EFHD1: variants seen among roughly 807,000 people sequenced by gnomAD.
The protein encoded by EFHD1 is EF-hand domain family member D1.
Under a neutral mutation model 17.2 loss-of-function variants are expected in EFHD1, and 10 were observed. That is an observed-to-expected ratio of 0.58 (90% CI 0.36 to 0.99). The LOEUF (loss-of-function observed/expected upper bound fraction) is 0.99, where lower values mean the gene tolerates loss of function less well. Among genes scored for constraint, EFHD1 ranks in the 50% least tolerant of loss-of-function variants. The pLI is 0.01. For synonymous variants in EFHD1, 153 were observed against 142.0 expected (o/e 1.08, Z -0.55); for missense variants, 310 against 327.5 (o/e 0.95, Z 0.41).
At position 232,681,929 on chromosome 2, in the gene EFHD1, C is replaced by CT. The variant is rs1574740606; in HGVS notation, c.*211dup. 44 of 608,306 alleles carry CT rather than the reference C, an allele frequency of 7.2e-5. No individual in the cohort carries two copies. In the East Asian group the frequency reaches 1.4e-3, roughly 19 times the overall value. 37.7% of individuals were successfully genotyped at this position (608,306 alleles called of 1,614,324 possible). On this transcript the variant is annotated 3_prime_UTR_variant, in exon 4 of 4. Transcript: ENST00000264059. ...GGGTGGGCCAGATGCCTGCCCACCT[C>CT]TGTCTCCTGCCTCTGCTCCTCTGCC...
At chr2:232,623,553 A>G (rs73105431) in intron 1 of EFHD1, among the ~76,000 whole-genome samples, 35,163 of 150,936 alleles carry the variant, frequency 0.23, 4,555 homozygotes, top group East Asian at 0.58. Flanking sequence ...AGGTGCCTGT[A>G]ATCCCAGCTT....
intron 1 of EFHD1, among the ~76,000 whole-genome samples, chr2:232,608,729 G>C (rs1489756854): frequency 1.3e-5 from 2 of 152,022 alleles, no homozygotes; most frequent in Non-Finnish European, 2.9e-5. Context: ...AGGAGTTCAA[G>C]ACCAGCCTGG....
intron 1 of EFHD1, among the ~76,000 whole-genome samples, chr2:232,661,063 G>A (rs889045105): frequency 1.5e-4 from 23 of 152,012 alleles, no homozygotes; most frequent in African/African-American, 5.3e-4. Context: ...CACTAGAAAC[G>A]CTTGAACCTG....
At chr2:232,667,552 T>A (rs140177627) in intron 2 of EFHD1, among the ~76,000 whole-genome samples, 7,379 of 150,852 alleles carry the variant, frequency 0.049, 188 homozygotes, top group South Asian at 0.099. Flanking sequence ...TTTATTTATT[T>A]ATTTATTTAT....
chr2:232,629,452 T>G (rs1694162913), upstream of EFHD1, among the ~76,000 whole-genome samples: 1 of 152,126 alleles, frequency 6.6e-6, no homozygotes, highest in Non-Finnish European at 1.5e-5. Flanking sequence ...TGTAGGAAAT[T>G]CAGAAAAATG....
intron 1 of EFHD1, among the ~76,000 whole-genome samples, chr2:232,615,030 C>T (rs1049083904): frequency 6.6e-6 from 1 of 151,978 alleles, no homozygotes; most frequent in African/African-American, 2.4e-5. Context: ...TCTTTGATAC[C>T]CAGGCTGGAG....
Position 232,633,708 on chromosome 2 carries a change from G to T in EFHD1, c.4G>T (p.Ala2Ser), listed in dbSNP as rs2106193026. 1.4e-6 allele frequency: 2 copies of T among 1,455,968 alleles called. No individual in the cohort carries two copies. The highest frequency in any genetic ancestry group is 1.3e-5 in the South Asian group (1 of 74,892). 90.2% of individuals were successfully genotyped at this position (1,455,968 alleles called of 1,614,324 possible). A position where few individuals can be genotyped will look rare whatever the true frequency, so the allele number is the denominator to read the frequency against. M[A>S]SEELACKLER... ...CCGCGTCCTGCGATCCGCCGCCATGGCCAGTGAGGAGCTGGCGTGCAAGCT... is the reference window on the plus strand; with the variant it reads ...CCGCGTCCTGCGATCCGCCGCCATGTCCAGTGAGGAGCTGGCGTGCAAGCT... The change falls in exon 1 of 4, where the codon GCC becomes TCC. Residue 2 changes from alanine (A) to serine (S), a missense_variant. By Grantham distance (99) the Ala-to-Ser change is moderately conservative. Transcript: ENST00000264059.
At chr2:232,638,279 C>T in intron 1 of EFHD1, 1 of 464,482 alleles carries the variant, frequency 2.2e-6, no homozygotes, top group Non-Finnish European at 4.5e-6. Context: ...AAGGCAGGAC[C>T]CCAATGCAAC....
At chr2:232,641,166 CTGAG>C (rs1694424646) in intron 1 of EFHD1, among the ~76,000 whole-genome samples, 2 of 152,254 alleles carry the variant, frequency 1.3e-5, no homozygotes, top group South Asian at 4.1e-4. Context: ...CCTTAGCCTC[CTGAG>C]TAACTGGGAC....
At chr2:232,610,566 T>TC (rs568854554) in intron 1 of EFHD1, among the ~76,000 whole-genome samples, 51 of 149,934 alleles carry the variant, frequency 3.4e-4, no homozygotes, top group African/African-American at 1.1e-3. Flanking sequence ...TGAGACTCCG[T>TC]CCCCCCGCCC....
chr2:232,614,925 G>A (rs1453563841), intron 1 of EFHD1, among the ~76,000 whole-genome samples: 2 of 152,100 alleles, frequency 1.3e-5, no homozygotes, highest in African/African-American at 2.4e-5. Flanking sequence ...GCTGTGAGCC[G>A]GGATTGCGCC....
At chr2:232,630,013 G>C (rs1384466850), upstream of EFHD1, among the ~76,000 whole-genome samples, 3 of 151,664 alleles carry the variant, frequency 2.0e-5, no homozygotes, top group Admixed American at 6.6e-5. Flanking sequence ...GCAATGGCTC[G>C]ATCTTGGCTC....
chr2:232,651,973 G>A (rs536310837), intron 1 of EFHD1, among the ~76,000 whole-genome samples: 2 of 152,332 alleles, frequency 1.3e-5, no homozygotes, highest in South Asian at 4.1e-4. Flanking sequence ...CTGGGGCAGA[G>A]CTGCGGGTTA....
chr2:232,627,450 A>G (rs1283960645), intron 1 of EFHD1, among the ~76,000 whole-genome samples: 4 of 152,220 alleles, frequency 2.6e-5, no homozygotes, highest in African/African-American at 9.6e-5. Context: ...AGAAATCACT[A>G]CTTGCCTAAG....
intron 1 of EFHD1, among the ~76,000 whole-genome samples, chr2:232,635,621 C>G (rs1694305004): frequency 1.3e-5 from 2 of 152,122 alleles, no homozygotes; most frequent in Non-Finnish European, 2.9e-5. Context: ...GAGTTCAAGA[C>G]CAGCCTGGCC....
chr2:232,657,484 A>G (rs1484921512), intron 1 of EFHD1, among the ~76,000 whole-genome samples: 1 of 151,978 alleles, frequency 6.6e-6, no homozygotes, highest in Non-Finnish European at 1.5e-5. Flanking sequence ...AGTTGTTTCT[A>G]CCTTTTGGTG....
chr2:232,634,152 C>G (rs915271608), intron 1 of EFHD1, 146 bp downstream of exon 1: 22 of 1,432,114 alleles, frequency 1.5e-5, no homozygotes, highest in Non-Finnish European at 2.0e-5. Flanking sequence ...ATCTTGCGTG[C>G]TCGGGTCTAT....
intron 1 of EFHD1, among the ~76,000 whole-genome samples, chr2:232,660,232 T>C (rs1261466524): frequency 6.6e-6 from 1 of 151,838 alleles, no homozygotes; most frequent in Non-Finnish European, 1.5e-5. Context: ...TCTTGCTCTG[T>C]CACCCAGGCT....
At chr2:232,679,634 A>G (rs902545853) in intron 3 of EFHD1, among the ~76,000 whole-genome samples, 4 of 149,902 alleles carry the variant, frequency 2.7e-5, no homozygotes, top group African/African-American at 9.8e-5. Context: ...GGATCGCTTG[A>G]GCTCGGGAGT....
Sources: allele counts gnomAD v4.1 joint callset (sites outside exome capture counted in the v4.1 genomes callset), GRCh38; gene constraint gnomAD v4.1.1; transcripts MANE v1.5; gene names NCBI Gene and HGNC (gene_info 2026-07-23, HGNC 2026-07-21).